The following BLTP3A variants were observed in gnomAD, a reference collection of about 807,000 sequenced individuals.
BLTP3A encodes bridge-like lipid transfer protein family member 3A.
chr6:34,871,954 C>G, the BLTP3A span: 1 of 1,602,500 alleles, frequency 6.2e-7, no homozygotes, highest in Non-Finnish European at 8.5e-7. Context: ...AGTAGCTGCC[C>G]ATAACCCTTG....
chr6:34,842,294 A>G, the BLTP3A span, among the ~76,000 whole-genome samples: 1 of 152,170 alleles, frequency 6.6e-6, no homozygotes, highest in South Asian at 2.1e-4. Flanking sequence ...CTCACACCAT[A>G]CAATTCATCC....
the BLTP3A span, among the ~76,000 whole-genome samples, chr6:34,811,659 G>A: frequency 3.3e-5 from 5 of 149,288 alleles, no homozygotes; most frequent in African/African-American, 1.3e-4. Context: ...AGACCAGCCT[G>A]GCTAACATGG....
chr6:34,804,640 T>C, the BLTP3A span, among the ~76,000 whole-genome samples: 1 of 152,100 alleles, frequency 6.6e-6, no homozygotes, highest in Non-Finnish European at 1.5e-5. Context: ...CTAGAAATGA[T>C]ATTGGAAAGA....
the BLTP3A span, chr6:34,867,414 G>A: frequency 7.4e-6 from 12 of 1,613,402 alleles, no homozygotes; most frequent in Non-Finnish European, 1.0e-5. Flanking sequence ...GCAGAGGGTA[G>A]GCTCTGGGCT....
the BLTP3A span, among the ~76,000 whole-genome samples, chr6:34,826,956 T>C: frequency 6.6e-6 from 1 of 152,178 alleles, no homozygotes; most frequent in East Asian, 1.9e-4. Context: ...ACTGTGTACA[T>C]TGAGTTTTCA....
At chr6:34,859,444 A>G in the BLTP3A span, 21 of 1,614,080 alleles carry the variant, frequency 1.3e-5, no homozygotes, top group East Asian at 4.7e-4. Context: ...GGATGCCACC[A>G]AGGAGGCTCT....
At chr6:34,827,873 C>T in the BLTP3A span, among the ~76,000 whole-genome samples, 1 of 152,132 alleles carries the variant, frequency 6.6e-6, no homozygotes, top group African/African-American at 2.4e-5. Flanking sequence ...CTCAAGTGAT[C>T]CACCCGCCTT....
the BLTP3A span, among the ~76,000 whole-genome samples, chr6:34,820,671 C>T: frequency 6.7e-6 from 1 of 148,400 alleles, no homozygotes; most frequent in Non-Finnish European, 1.5e-5. Flanking sequence ...TATCTAGTTG[C>T]TCTGTCTGGT....
the BLTP3A span, among the ~76,000 whole-genome samples, chr6:34,829,027 C>CAAAAAAAAAAAAAAAAAAAAAAAAAAA: frequency 2.0e-5 from 1 of 50,726 alleles, no homozygotes; most frequent in Non-Finnish European, 3.2e-5. Flanking sequence ...AACTCCATCT[C>CAAAAAAAAAAAAAAAAAAAAAAAAAAA]AAAAAAAAAA....
the BLTP3A span, chr6:34,856,108 C>A: frequency 7.8e-7 from 1 of 1,284,288 alleles, no homozygotes; most frequent in African/African-American, 1.5e-5. Flanking sequence ...GATAATTTTT[C>A]CTTATCCTAG....
the BLTP3A span, among the ~76,000 whole-genome samples, chr6:34,793,159 C>T: frequency 6.6e-6 from 1 of 152,114 alleles, no homozygotes; most frequent in Non-Finnish European, 1.5e-5. Flanking sequence ...CATGAGGAGG[C>T]TGGCCGGCAA....
the BLTP3A span, among the ~76,000 whole-genome samples, chr6:34,803,459 C>T: frequency 6.6e-6 from 1 of 152,280 alleles, no homozygotes; most frequent in Middle Eastern, 3.4e-3. Context: ...CTGCTCAGGT[C>T]TGCATGCTCA....
the BLTP3A span, among the ~76,000 whole-genome samples, chr6:34,847,049 T>C: frequency 6.6e-6 from 1 of 152,226 alleles, no homozygotes. Context: ...TTCTGTGATA[T>C]GTTGTATCTT....
chr6:34,796,430 G>A, the BLTP3A span, among the ~76,000 whole-genome samples: 1 of 152,176 alleles, frequency 6.6e-6, no homozygotes, highest in Non-Finnish European at 1.5e-5. Flanking sequence ...GCCTTTTAAA[G>A]GGTTTAACTC....
the BLTP3A span, chr6:34,867,719 G>A: frequency 2.1e-6 from 3 of 1,411,426 alleles, no homozygotes; most frequent in Non-Finnish European, 1.9e-6. Flanking sequence ...CACTCTACTA[G>A]TGCCAAGTTC....
the BLTP3A span, among the ~76,000 whole-genome samples, chr6:34,804,800 A>G: frequency 1.3e-5 from 2 of 152,132 alleles, no homozygotes; most frequent in South Asian, 4.1e-4. Flanking sequence ...CTTTTTTAAA[A>G]GTCAGGGAGA....
chr6:34,828,794 G>A, the BLTP3A span, among the ~76,000 whole-genome samples: 9 of 152,034 alleles, frequency 5.9e-5, no homozygotes, highest in African/African-American at 1.9e-4. Flanking sequence ...TTAAGAGGCC[G>A]AGGTGGGTGG....
the BLTP3A span, among the ~76,000 whole-genome samples, chr6:34,831,462 T>C: frequency 6.6e-6 from 1 of 152,134 alleles, no homozygotes; most frequent in African/African-American, 2.4e-5. Flanking sequence ...TGAACAGAAA[T>C]TATTAATTCT....
At chr6:34,864,008 C>T in the BLTP3A span, 1 of 1,591,940 alleles carries the variant, frequency 6.3e-7, no homozygotes, top group Non-Finnish European at 8.5e-7. Context: ...ACAGGGAGCC[C>T]ATGGCCAAGA....
Sources: allele counts gnomAD v4.1 joint callset (sites outside exome capture counted in the v4.1 genomes callset), GRCh38; gene constraint gnomAD v4.1.1; transcripts MANE v1.5; gene names NCBI Gene and HGNC (gene_info 2026-07-23, HGNC 2026-07-21).